Variants in NOS1AP observed in about 807,000 individuals in gnomAD.
NOS1AP encodes nitric oxide synthase 1 adaptor protein.
NOS1AP carries 21 observed loss-of-function variants against 56.2 expected under a neutral mutation model. The ratio of observed to expected loss-of-function variants is 0.37; its 90% confidence interval spans 0.26 to 0.54. NOS1AP has a LOEUF of 0.54. NOS1AP is among the 20% of genes least tolerant of loss of function. The probability of loss-of-function intolerance (pLI) is 0.84; values close to 1 mark genes in which losing one functional copy is unlikely to be tolerated. For synonymous variants in NOS1AP, 270 were observed against 274.6 expected (o/e 0.98, Z 0.17); for missense variants, 522 against 657.8 (o/e 0.79, Z 2.26).
chr1:162,315,489 A>G (rs1656200105), intron 4 of NOS1AP, among the ~76,000 whole-genome samples: 1 of 152,234 alleles, frequency 6.6e-6, no homozygotes, highest in Non-Finnish European at 1.5e-5. Flanking sequence ...TGAGACCACA[A>G]TCAGACTGTG....
chr1:162,168,043 T>C (rs1324920209), intron 2 of NOS1AP, among the ~76,000 whole-genome samples: 2 of 151,674 alleles, frequency 1.3e-5, no homozygotes, highest in Non-Finnish European at 2.9e-5. Flanking sequence ...TCTACATTGA[T>C]GTTAGTTGTT....
intron 2 of NOS1AP, among the ~76,000 whole-genome samples, chr1:162,223,310 G>A (rs1171045123): frequency 3.3e-5 from 5 of 151,888 alleles, no homozygotes; most frequent in Non-Finnish European, 4.4e-5. Flanking sequence ...TTGTTTTTTG[G>A]TCTTGTATTG....
In NOS1AP at chr1:162,282,123, A is replaced by T. The variant is rs149634411; in HGVS notation, c.178-5221A>T. On this transcript the variant is annotated intron_variant, in intron 2 of 9. Transcript: ENST00000361897. The stretch of plus-strand genomic sequence containing the variant: ...CTGGAAAAAATAAAAATACCATTTT[A>T]ACCCTTTTTAAGTGTACGGTTCTGT... Among the ~76,000 whole-genome samples the T allele has an allele frequency of 2.6e-5, 4 of 152,330 alleles. No homozygotes were observed. The East Asian group carries it at 7.7e-4, about 29-fold the overall frequency.
intron 6 of NOS1AP, among the ~76,000 whole-genome samples, chr1:162,348,813 G>C (rs940490102): frequency 6.6e-6 from 1 of 152,200 alleles, no homozygotes. Flanking sequence ...TATAAAGAAA[G>C]AGAAAGACAG....
chr1:162,176,918 C>T (rs1300372020), intron 2 of NOS1AP, among the ~76,000 whole-genome samples: 1 of 152,182 alleles, frequency 6.6e-6, no homozygotes, highest in Non-Finnish European at 1.5e-5. Flanking sequence ...GCTGCTATAG[C>T]GATTCATATG....
rs535939417 is a variant in NOS1AP, at chr1:162,172,703, T to G, written c.177+18227T>G. 5.3e-5 allele frequency among the ~76,000 whole-genome samples: 8 copies of G among 152,322 alleles called. No individual in the cohort carries two copies. In the East Asian group the frequency reaches 9.6e-4, roughly 18 times the overall value. ...TTCTGTCAGGTGAGGAAAGGTTTTT[T>G]TTGTTGTTGTTTGTTTTTGTTTGTT... On this transcript the variant is annotated intron_variant, in intron 2 of 9. Transcript: ENST00000361897.
intron 6 of NOS1AP, among the ~76,000 whole-genome samples, chr1:162,349,371 G>T (rs1014917641): frequency 6.6e-6 from 1 of 152,146 alleles, no homozygotes; most frequent in Non-Finnish European, 1.5e-5. Flanking sequence ...TAGTGGCCTA[G>T]CCCAGTTGAC....
At chr1:162,364,463 C>T (rs936115451) in intron 8 of NOS1AP, 12 of 985,362 alleles carry the variant, frequency 1.2e-5, no homozygotes, top group Non-Finnish European at 3.6e-6. Flanking sequence ...AACCAGGGTC[C>T]TGGTCTGGTT....
rs72713843 is a variant in NOS1AP, at chr1:162,077,376, G to A, written c.105+7094G>A. ...AAAAAAAAAAAGACCATCTTTTCAT[G>A]TGTTTTTTGGCCATTTATATATTTT... On this transcript the variant is annotated intron_variant, in intron 1 of 9. Coordinates refer to ENST00000361897, the MANE Select transcript of NOS1AP (RefSeq NM_014697.3). Among the ~76,000 whole-genome samples the A allele has an allele frequency of 8.4e-3, 1,277 of 151,970 alleles. 12 individuals are homozygous for A. Among genetic ancestry groups the A allele is most frequent in the South Asian group, 0.023 (109 of 4,818 alleles).
At chr1:162,246,811 C>T (rs1000705717) in intron 2 of NOS1AP, among the ~76,000 whole-genome samples, 1 of 151,992 alleles carries the variant, frequency 6.6e-6, no homozygotes, top group Non-Finnish European at 1.5e-5. Context: ...GATGGGAGAC[C>T]TGGACAGGAA....
chr1:162,264,314 T>C (rs1205879756), intron 2 of NOS1AP, among the ~76,000 whole-genome samples: 1 of 152,122 alleles, frequency 6.6e-6, no homozygotes, highest in Non-Finnish European at 1.5e-5. Context: ...TTTCAGTTCC[T>C]TTGTAGCCTC....
intron 1 of NOS1AP, among the ~76,000 whole-genome samples, chr1:162,138,785 G>A (rs114302688): frequency 0.011 from 1,623 of 152,314 alleles, 20 homozygotes; most frequent in Middle Eastern, 0.041. Flanking sequence ...CACCCCTAGT[G>A]TGCCAGGGGT....
intron 8 of NOS1AP, among the ~76,000 whole-genome samples, chr1:162,361,278 A>G (rs75615799): frequency 1.5e-5 from 1 of 66,122 alleles, no homozygotes; most frequent in Non-Finnish European, 2.8e-5. Flanking sequence ...TGCTAAATAC[A>G]AAAAAAAAAT....
At chr1:162,095,932 C>G (rs1692230862) in intron 1 of NOS1AP, among the ~76,000 whole-genome samples, 1 of 152,164 alleles carries the variant, frequency 6.6e-6, no homozygotes, top group African/African-American at 2.4e-5. Flanking sequence ...TCTTCAAATC[C>G]AATGTAGACA....
At chr1:162,082,323 C>T (rs1334020102) in intron 1 of NOS1AP, among the ~76,000 whole-genome samples, 1 of 152,230 alleles carries the variant, frequency 6.6e-6, no homozygotes, top group South Asian at 2.1e-4. Context: ...TACCACATTA[C>T]CTAGTCTATC....
intron 2 of NOS1AP, among the ~76,000 whole-genome samples, chr1:162,194,517 C>G (rs929529160): frequency 6.6e-6 from 1 of 152,158 alleles, no homozygotes; most frequent in African/African-American, 2.4e-5. Flanking sequence ...GCTGGAAGTT[C>G]CATGTCTGTG....
intron 1 of NOS1AP, among the ~76,000 whole-genome samples, chr1:162,081,772 A>ATTTTTTTTTTTTTTTTT (rs1457192130): frequency 3.3e-5 from 1 of 29,980 alleles, no homozygotes; most frequent in Non-Finnish European, 7.7e-5. Context: ...ATATATATAT[A>ATTTTTTTTTTTTTTTTT]TATTTTTTTT....
chr1:162,301,881 T>G (rs930068079), intron 4 of NOS1AP, among the ~76,000 whole-genome samples: 1 of 152,248 alleles, frequency 6.6e-6, no homozygotes, highest in Non-Finnish European at 1.5e-5. Context: ...ATGGTGGCCC[T>G]GCCTTTTAAA....
chr1:162,091,184 G>A (rs1199900746), intron 1 of NOS1AP, among the ~76,000 whole-genome samples: 1 of 152,084 alleles, frequency 6.6e-6, no homozygotes, highest in African/African-American at 2.4e-5. Context: ...GTTCCCAGCA[G>A]TTTCTCTTGG....
Sources: gnomAD v4.1 joint callset for allele counts (sites outside exome capture counted in the v4.1 genomes callset) on GRCh38, gnomAD v4.1.1 for gene constraint, MANE v1.5 for transcripts, NCBI Gene and HGNC (gene_info 2026-07-23, HGNC 2026-07-21) for gene names.